C10orf143: variants seen among roughly 807,000 people sequenced by gnomAD.
C10orf143 encodes chromosome 10 open reading frame 143, also known as uncharacterized protein C10orf143.
intron 1 of C10orf143, among the ~76,000 whole-genome samples, chr10:130,095,135 A>T (rs946423803): frequency 6.6e-6 from 1 of 151,840 alleles, no homozygotes; most frequent in Non-Finnish European, 1.5e-5. Context: ...AATTGCTACA[A>T]AGAGAATAAA....
intron 1 of C10orf143, among the ~76,000 whole-genome samples, chr10:130,094,895 A>G (rs969255221): frequency 1.3e-5 from 2 of 152,188 alleles, no homozygotes; most frequent in Admixed American, 6.5e-5. Flanking sequence ...GGCAAAAGAA[A>G]GAAATAAAGG....
At chr10:130,103,050 C>T (rs1202484079) in intron 1 of C10orf143, among the ~76,000 whole-genome samples, 1 of 151,448 alleles carries the variant, frequency 6.6e-6, no homozygotes, top group Non-Finnish European at 1.5e-5. Flanking sequence ...GCGATCTCGG[C>T]TCACTGCAAC....
chr10:130,040,664 C>G (rs1181644669), intron 3 of C10orf143, among the ~76,000 whole-genome samples: 4 of 152,258 alleles, frequency 2.6e-5, no homozygotes. Context: ...GAAATCCTGT[C>G]TCTACTAAAA....
intron 1 of C10orf143, among the ~76,000 whole-genome samples, chr10:130,097,022 G>A (rs1412351920): frequency 7.3e-5 from 11 of 150,092 alleles, no homozygotes; most frequent in East Asian, 3.9e-4. Flanking sequence ...GTGCAGTGGC[G>A]TGATCTCAGC....
intron 1 of C10orf143, among the ~76,000 whole-genome samples, chr10:130,083,270 G>A (rs1271760488): frequency 6.6e-6 from 1 of 152,230 alleles, no homozygotes; most frequent in African/African-American, 2.4e-5. Flanking sequence ...AGAATGTGGT[G>A]TAGCCCCTGT....
At chr10:130,073,620 T>G (rs980021611) in intron 3 of C10orf143, among the ~76,000 whole-genome samples, 5 of 106,746 alleles carry the variant, frequency 4.7e-5, no homozygotes, top group African/African-American at 8.1e-5. Flanking sequence ...CAGCTGTGTG[T>G]TTTTTTTTTA....
Position 130,065,196 on chromosome 10 carries a change from G to A in C10orf143, c.298-813C>T, listed in dbSNP as rs1311019640. 2 of 152,296 alleles carry A rather than the reference G, an allele frequency of 1.3e-5. No homozygotes were observed. Among genetic ancestry groups the A allele is most frequent in the Non-Finnish European group, 2.9e-5 (2 of 68,118 alleles). 9.4% of individuals were successfully genotyped at this position (152,296 alleles called of 1,614,324 possible). ...AAGGCAGGGGCTGCCCTGACCCACA[G>A]GGACCAGACAGGAGAGACTCTGAAC... On this transcript the variant is annotated intron_variant, in intron 3 of 3. Coordinates refer to ENST00000637128, the MANE Select transcript of C10orf143 (RefSeq NM_001355042.2). The surrounding 1 kb of genome is among the most constrained non-coding windows in gnomAD (Gnocchi z 4.2).
intron 3 of C10orf143, among the ~76,000 whole-genome samples, chr10:130,052,978 A>G (rs1482918018): frequency 6.6e-6 from 1 of 152,234 alleles, no homozygotes; most frequent in African/African-American, 2.4e-5. Flanking sequence ...GCACATTTCT[A>G]TGAATTGTGT....
chr10:130,043,698 G>T (rs1860632889), intron 3 of C10orf143, among the ~76,000 whole-genome samples: 1 of 152,208 alleles, frequency 6.6e-6, no homozygotes, highest in South Asian at 2.1e-4. Flanking sequence ...ATACCCAGAT[G>T]TTCTCCCCGA....
downstream of C10orf143, among the ~76,000 whole-genome samples, chr10:130,059,660 G>A (rs1860833180): frequency 6.6e-6 from 1 of 152,174 alleles, no homozygotes; most frequent in Non-Finnish European, 1.5e-5. Flanking sequence ...CAGGGAAGCA[G>A]ATAAAACCTC....
At chr10:130,107,449 T>C (rs1338426557) in intron 1 of C10orf143, 8 of 1,398,046 alleles carry the variant, frequency 5.7e-6, no homozygotes, top group Admixed American at 3.4e-5. Flanking sequence ...CTTGGGCTGC[T>C]GAAAGAAACC....
intron 1 of C10orf143, chr10:130,107,254 T>A (rs145120760): frequency 0.012 from 14,726 of 1,221,946 alleles, 133 homozygotes; most frequent in Non-Finnish European, 0.015. Flanking sequence ...TAGAGGAAAA[T>A]AGCCGGTTAG....
chr10:130,099,500 CTTCTT>C (rs1282580150), intron 1 of C10orf143, among the ~76,000 whole-genome samples: 2 of 148,250 alleles, frequency 1.3e-5, no homozygotes, highest in Non-Finnish European at 3.0e-5. Flanking sequence ...TCTGAATCTT[CTTCTT>C]TTATTTTTAT....
chr10:130,067,950 C>G (rs1385658183), intron 3 of C10orf143: 1 of 152,340 alleles, frequency 6.6e-6, no homozygotes, highest in African/African-American at 2.4e-5. Flanking sequence ...TCCTGGGAGC[C>G]GCGAGGGACA....
intron 1 of C10orf143, among the ~76,000 whole-genome samples, chr10:130,082,151 G>A (rs1164997808): frequency 6.6e-6 from 1 of 151,912 alleles, no homozygotes; most frequent in Non-Finnish European, 1.5e-5. Flanking sequence ...CTGTGATAAG[G>A]ATGGACTTTT....
chr10:130,042,241 T>C (rs1241774715), intron 3 of C10orf143, among the ~76,000 whole-genome samples: 2 of 152,254 alleles, frequency 1.3e-5, no homozygotes, highest in African/African-American at 4.8e-5. Flanking sequence ...CATAGAGTTA[T>C]CACGTACATG....
chr10:130,037,464 T>C (rs1860557410), intron 3 of C10orf143, among the ~76,000 whole-genome samples: 1 of 152,148 alleles, frequency 6.6e-6, no homozygotes, highest in Admixed American at 6.5e-5. Context: ...GGGTGCCCGG[T>C]CTCCAAGGGA....
chr10:130,107,003 T>G (rs1198231159), intron 1 of C10orf143: 1 of 1,130,976 alleles, frequency 8.8e-7, no homozygotes, highest in Non-Finnish European at 1.4e-6. Flanking sequence ...TGCTACTAAG[T>G]TAAATGCTTC....
chr10:130,038,860 G>A (rs2764374), intron 3 of C10orf143, among the ~76,000 whole-genome samples: 5,792 of 152,256 alleles, frequency 0.038, 361 homozygotes, highest in African/African-American at 0.13. Context: ...AGGCGGAGAC[G>A]GTAGCAAGGC....
Sources: allele counts gnomAD v4.1 joint callset (sites outside exome capture counted in the v4.1 genomes callset), GRCh38; gene constraint gnomAD v4.1.1; non-coding constraint Gnocchi (gnomAD v3.1); transcripts MANE v1.5; gene names NCBI Gene and HGNC (gene_info 2026-07-23, HGNC 2026-07-21).